THSD7A: variants seen among roughly 807,000 people sequenced by gnomAD.
The protein encoded by THSD7A is thrombospondin type 1 domain containing 7A, also known as thrombospondin type-1 domain-containing protein 7A.
THSD7A carries 96 observed loss-of-function variants against 231.3 expected under a neutral mutation model. The observed-to-expected ratio is 0.41, with a 90% CI of 0.35 to 0.49. THSD7A has a LOEUF of 0.49. Ranked by LOEUF, THSD7A falls within the 20% of genes least tolerant of loss-of-function variation. THSD7A has a pLI of 0.05. For synonymous variants in THSD7A, 940 were observed against 743.3 expected, an observed-to-expected ratio of 1.26 and a Z score of -4.30; for missense variants, 2,290 against 2,070.2, an observed-to-expected ratio of 1.11 and a Z score of -2.06.
intron 1 of THSD7A, among the ~76,000 whole-genome samples, chr7:11,778,578 G>A (rs1783521148): frequency 6.6e-6 from 1 of 152,100 alleles, no homozygotes; most frequent in African/African-American, 2.4e-5. Flanking sequence ...ATTTCTTTTA[G>A]AAATTCGTCA....
At chr7:11,552,670 G>A (rs1412259170) in intron 4 of THSD7A, among the ~76,000 whole-genome samples, 2 of 152,096 alleles carry the variant, frequency 1.3e-5, no homozygotes, top group Non-Finnish European at 1.5e-5. Flanking sequence ...TTGAGCTGCA[G>A]TCATAGAAGC....
chr7:11,721,356 G>A lies in THSD7A; in HGVS notation c.191-84395C>T, dbSNP rs771181909. ...TTGCTAATCTTATGACAGTGAGTGA[G>A]TTCTCATGAAATCTAGCTGTTTAAA... On this transcript the variant is annotated intron_variant, in intron 1 of 27. Coordinates refer to ENST00000423059, the MANE Select transcript of THSD7A (RefSeq NM_015204.3). 3.2e-3 allele frequency among the ~76,000 whole-genome samples: 492 copies of A among 151,860 alleles called. 2 individuals carry two copies. Among genetic ancestry groups the A allele is most frequent in the Middle Eastern group, 0.02 (6 of 294 alleles).
At chr7:11,616,057 C>T (rs1781092936) in intron 2 of THSD7A, among the ~76,000 whole-genome samples, 1 of 152,006 alleles carries the variant, frequency 6.6e-6, no homozygotes, top group African/African-American at 2.4e-5. Context: ...TGTCATAGTG[C>T]TATTTATTGA....
At chr7:11,437,693 C>T (rs1163648006) in intron 13 of THSD7A, among the ~76,000 whole-genome samples, 1 of 151,982 alleles carries the variant, frequency 6.6e-6, no homozygotes, top group Admixed American at 6.6e-5. Context: ...GCTTTTTCTG[C>T]CTGGTTTAAT....
Position 11,407,877 on chromosome 7 carries a change from A to G in THSD7A, c.3799-454T>C, listed in dbSNP as rs1416742202. On this transcript the variant is annotated intron_variant, in intron 19 of 27. Coordinates refer to ENST00000423059, the MANE Select transcript of THSD7A (RefSeq NM_015204.3). ...CAAAAGGAAAAGGTTCTAAACATAA[A>G]TTCATACTCAAAACTAATGATATCA... Among the ~76,000 whole-genome samples the G allele has an allele frequency of 2.0e-5, 3 of 152,210 alleles. No individual in the cohort carries two copies. In the East Asian group the frequency reaches 5.8e-4, roughly 29 times the overall value.
chr7:11,616,813 A>G (rs1781122727), intron 2 of THSD7A, among the ~76,000 whole-genome samples: 1 of 152,216 alleles, frequency 6.6e-6, no homozygotes, highest in Non-Finnish European at 1.5e-5. Context: ...CTACTCAGAA[A>G]AAAAGTGATA....
At chr7:11,548,100 G>T (rs1476492202) in intron 4 of THSD7A, among the ~76,000 whole-genome samples, 2 of 152,028 alleles carry the variant, frequency 1.3e-5, no homozygotes, top group African/African-American at 2.4e-5. Flanking sequence ...AAATAAGATT[G>T]ATAGATTGCT....
At chr7:11,507,214 C>T (rs1787582277) in intron 6 of THSD7A, among the ~76,000 whole-genome samples, 2 of 152,092 alleles carry the variant, frequency 1.3e-5, no homozygotes, top group Admixed American at 1.3e-4. Flanking sequence ...TCAAAGACTG[C>T]ATTGTATTAG....
chr7:11,655,169 A>G (rs936750008), intron 1 of THSD7A, among the ~76,000 whole-genome samples: 5 of 151,850 alleles, frequency 3.3e-5, no homozygotes, highest in African/African-American at 9.7e-5. Context: ...GTATTTCTTA[A>G]ACTGTTTTTG....
intron 6 of THSD7A, among the ~76,000 whole-genome samples, chr7:11,513,442 C>A (rs1342433056): frequency 2.0e-5 from 3 of 152,006 alleles, no homozygotes; most frequent in Admixed American, 2.0e-4. Flanking sequence ...GTGAGGAACA[C>A]AAAATATGAT....
intron 13 of THSD7A, among the ~76,000 whole-genome samples, chr7:11,434,765 A>G (rs1784580675): frequency 7.4e-6 from 1 of 135,788 alleles, no homozygotes; most frequent in African/African-American, 2.7e-5. Flanking sequence ...AAAAAGTTGA[A>G]AAAAAAAATC....
rs1267432961 is a variant in THSD7A, at chr7:11,814,698, A to G, written c.190+17059T>C. On this transcript the variant is annotated intron_variant, in intron 1 of 27. Transcript: ENST00000423059. The surrounding 1 kb of genome is among the most constrained non-coding windows in gnomAD (Gnocchi z 5.1). Reference sequence around the variant, plus strand: ...CTAAAGAAATTACATTAAATATTGCAGTAAGAGACAGGGAGAGAAATGTAT... The same window carrying G: ...CTAAAGAAATTACATTAAATATTGCGGTAAGAGACAGGGAGAGAAATGTAT... 6.6e-6 allele frequency among the ~76,000 whole-genome samples: 1 copy of G among 152,194 alleles called. No homozygotes were observed. The highest frequency in any genetic ancestry group is 2.4e-5 in the African/African-American group (1 of 41,452).
intron 1 of THSD7A, among the ~76,000 whole-genome samples, chr7:11,652,850 T>C (rs913759669): frequency 2.0e-5 from 3 of 151,962 alleles, no homozygotes; most frequent in African/African-American, 7.2e-5. Context: ...ATTCCTATAA[T>C]TGATAAAAGT....
At chr7:11,544,722 G>C (rs534193189) in intron 4 of THSD7A, among the ~76,000 whole-genome samples, 125 of 152,160 alleles carry the variant, frequency 8.2e-4, no homozygotes, top group Non-Finnish European at 1.3e-3. Context: ...TACTACCACA[G>C]TTTTTGTTCT....
intron 6 of THSD7A, among the ~76,000 whole-genome samples, chr7:11,511,707 G>T (rs550949378): frequency 1.3e-3 from 203 of 152,296 alleles, no homozygotes; most frequent in African/African-American, 4.7e-3. Flanking sequence ...TTAATAAATG[G>T]TGCTGGGAAA....
chr7:11,393,410 C>A (rs1218065597), intron 23 of THSD7A, among the ~76,000 whole-genome samples: 2 of 152,122 alleles, frequency 1.3e-5, no homozygotes, highest in African/African-American at 2.4e-5. Flanking sequence ...GAGGAAAAAC[C>A]AGCACAAAAA....
chr7:11,712,957 A>T (rs1044318289), intron 1 of THSD7A, among the ~76,000 whole-genome samples: 1 of 151,122 alleles, frequency 6.6e-6, no homozygotes, highest in African/African-American at 2.4e-5. Context: ...AGGAATAAGC[A>T]TCAAATTTCT....
At chr7:11,424,554 T>C (rs1784255436) in intron 16 of THSD7A, 142 bp downstream of exon 16, 1 of 1,145,864 alleles carries the variant, frequency 8.7e-7, no homozygotes, top group African/African-American at 1.6e-5. Context: ...TAGAGTTTTC[T>C]ATGAGCACAG....
At chr7:11,387,361 A>T (rs1782790423) in intron 23 of THSD7A, among the ~76,000 whole-genome samples, 1 of 152,052 alleles carries the variant, frequency 6.6e-6, no homozygotes, top group South Asian at 2.1e-4. Flanking sequence ...ATGTTTTTCC[A>T]TTTATTTGTG....
Sources: allele counts gnomAD v4.1 joint callset (sites outside exome capture counted in the v4.1 genomes callset), GRCh38; gene constraint gnomAD v4.1.1; non-coding constraint Gnocchi (gnomAD v3.1); transcripts MANE v1.5; gene names NCBI Gene and HGNC (gene_info 2026-07-23, HGNC 2026-07-21).